CYP3A5: variants seen among roughly 807,000 people sequenced by gnomAD.
CYP3A5 encodes the protein cytochrome P450 family 3 subfamily A member 5.
Under a neutral mutation model 55.9 loss-of-function variants are expected in CYP3A5, and 51 were observed. That is an observed-to-expected ratio of 0.91 (90% CI 0.73 to 1.15). The LOEUF (loss-of-function observed/expected upper bound fraction) is 1.15, where lower values mean the gene tolerates loss of function less well. Among genes scored for constraint, CYP3A5 ranks in the 50% most tolerant of loss-of-function variants. The pLI is 0.00. For missense variants in CYP3A5, 533 were observed against 596.6 expected (o/e 0.89, Z 1.11); for synonymous variants, 196 against 213.9 (o/e 0.92, Z 0.73).
At chr7:99,650,316 C>G in intron 11 of CYP3A5, 84 bp from the exon 12 acceptor site, 1 of 1,253,774 alleles carries the variant, frequency 8.0e-7, no homozygotes, top group Non-Finnish European at 1.1e-6. Context: ...TTAAGAACAA[C>G]CCCCCTCCAC....
chr7:99,671,995 G>C, intron 4 of CYP3A5: 1 of 614,078 alleles, frequency 1.6e-6, no homozygotes, highest in Non-Finnish European at 2.9e-6. Flanking sequence ...TCAATTTCCT[G>C]TACTATAGTA....
intron 4 of CYP3A5, among the ~76,000 whole-genome samples, chr7:99,667,391 C>T (rs1196275548): frequency 6.6e-6 from 1 of 152,180 alleles, no homozygotes; most frequent in East Asian, 1.9e-4. Flanking sequence ...CTAGCCCTTC[C>T]CCAGGAGTGT....
Position 99,679,905 on chromosome 7 carries a change from T to G in CYP3A5, c.-9A>C, listed in dbSNP as rs551982746. The G allele has an allele frequency of 7.3e-5, 117 of 1,607,064 alleles. 1 individual carries two copies. The South Asian group carries it at 8.6e-4, about 12-fold the overall frequency. On this transcript the variant is annotated 5_prime_UTR_variant, in exon 1 of 13. Transcript: ENST00000222982. ...TTTGGGATGAGGTCCATCGCCACTTTCCTTCTTCAACTGTGTTCTGTGAGT... is the reference window on the plus strand; with the variant it reads ...TTTGGGATGAGGTCCATCGCCACTTGCCTTCTTCAACTGTGTTCTGTGAGT...
In CYP3A5 at chr7:99,663,066, A is replaced by T. The variant is rs1286552131; in HGVS notation, c.799-184T>A. On this transcript the variant is annotated intron_variant, in intron 8 of 12. Transcript: ENST00000222982. ...TTCATCTAAATCCTTGGAAAGCAGG[A>T]TGTTTTCCTGAAACAAATCTAGCTA... 66 of 1,334,276 alleles carry T rather than the reference A, an allele frequency of 4.9e-5. No individual in the cohort carries two copies. The Admixed American group carries it at 2.0e-3, about 40-fold the overall frequency. The allele number at this position is 1,334,276 out of a possible 1,614,324, so 82.7% of individuals were successfully genotyped here.
At chr7:99,658,015 G>A (rs188205430) in intron 10 of CYP3A5, among the ~76,000 whole-genome samples, 23 of 152,256 alleles carry the variant, frequency 1.5e-4, no homozygotes, top group South Asian at 6.2e-4. Context: ...ACAGCACACC[G>A]ATGGGTCTTG....
rs1810551751 is a variant in CYP3A5 at position 99,662,476 on chromosome 7, T to A, written c.865+340A>T. ...CTTACTGGGATAGTGTGCTTCCTGA[T>A]CGGTATGTTTGATATAAATTTCCAA... On this transcript the variant is annotated intron_variant, in intron 9 of 12. Coordinates refer to ENST00000222982, the MANE Select transcript of CYP3A5 (RefSeq NM_000777.5). The surrounding 1 kb of genome is among the most constrained non-coding windows in gnomAD (Gnocchi z 4.3). 6.6e-6 allele frequency among the ~76,000 whole-genome samples: 1 copy of A among 152,214 alleles called. No individual in the cohort carries two copies. The highest frequency in any genetic ancestry group is 1.5e-5 in the Non-Finnish European group (1 of 68,032).
rs1019450510 is a variant in CYP3A5 at position 99,656,262 on chromosome 7, C to T, written c.1027-3483G>A. Among the ~76,000 whole-genome samples the T allele has an allele frequency of 2.6e-5, 4 of 152,140 alleles. No homozygotes were observed. The East Asian group carries it at 7.7e-4, about 29-fold the overall frequency. On this transcript the variant is annotated intron_variant, in intron 10 of 12. Coordinates refer to ENST00000222982, the MANE Select transcript of CYP3A5 (RefSeq NM_000777.5). ...TATTTTGAGATAGGTTCCATCAATA[C>T]CTAATTTATTCAGAGTTTTTAGCAT...
chr7:99,676,707 G>A (rs948291871), intron 1 of CYP3A5: 15 of 523,568 alleles, frequency 2.9e-5, no homozygotes, highest in Admixed American at 1.4e-4. Context: ...GCTCAGAAAT[G>A]TTTATGCTTT....
At chr7:99,671,388 G>A (rs1222508614) in intron 4 of CYP3A5, 1 of 156,882 alleles carries the variant, frequency 6.4e-6, no homozygotes, top group African/African-American at 2.4e-5. Context: ...ATGATGTTAA[G>A]AGTTACTGTA....
intron 6 of CYP3A5, 94 bp from the exon 7 acceptor site, chr7:99,665,408 A>T (rs1810903818): frequency 1.3e-6 from 2 of 1,503,772 alleles, no homozygotes; most frequent in South Asian, 2.3e-5. Context: ...CAGTCAAGAC[A>T]CATAAAGAGC....
In CYP3A5 at chr7:99,650,227, C is replaced by A. The variant is rs1162793107; in HGVS notation, c.1259G>T (p.Ser420Ile). Residue 420 changes from serine to isoleucine, a missense_variant, in exon 12 of 13, where the codon AGT becomes ATT. Transcript: ENST00000222982. ...AGGATCTATGCTGTCCTTCTTCTTA[C>A]TGAACCTAGTTCCATATTGGTAGAT... is the stretch of plus-strand genomic sequence containing the variant. ...EPEEFRPERF[S>I]KKKDSIDPYI... The A allele has an allele frequency of 1.2e-6, 2 of 1,613,340 alleles. No individual in the cohort carries two copies. Among genetic ancestry groups the A allele is most frequent in the Non-Finnish European group, 1.7e-6 (2 of 1,179,618 alleles).
chr7:99,652,331 A>G (rs1260753828), intron 11 of CYP3A5: 7 of 382,186 alleles, frequency 1.8e-5, no homozygotes. Flanking sequence ...CCACAGGGAC[A>G]TAATTGATTA....
chr7:99,653,016 G>T lies in CYP3A5; in HGVS notation c.1027-237C>A, dbSNP rs1482950092. On this transcript the variant is annotated intron_variant, in intron 10 of 12. Transcript: ENST00000222982. The surrounding 1 kb of genome is among the most constrained non-coding windows in gnomAD (Gnocchi z 4.2). Reference sequence around the variant, plus strand: ...TATTCAAGACCATCCTCACCCCAGGGACTGAAATCCTTAGCATGACCATGT... The same window carrying T: ...TATTCAAGACCATCCTCACCCCAGGTACTGAAATCCTTAGCATGACCATGT... Among the ~76,000 whole-genome samples, 2 of 152,174 alleles carry T rather than the reference G, an allele frequency of 1.3e-5. No individual in the cohort carries two copies. The highest frequency in any genetic ancestry group is 2.9e-5 in the Non-Finnish European group (2 of 68,030).
At position 99,660,530 on chromosome 7, in the gene CYP3A5, T is replaced by G. The variant is rs188366390; in HGVS notation, c.995A>C (p.Gln332Pro). ...GGGCAAAACTGCATCAATCTCCTTT[T>G]GCAGTTTCTGCTGGACATCAGGGTG... The part of the protein sequence containing the change: ...ATHPDVQQKL[Q>P]KEIDAVLPNK... The change falls in exon 10 of 13, where the codon CAA becomes CCA. Residue 332 changes from glutamine (Q) to proline (P), a missense_variant. Coordinates refer to ENST00000222982, the MANE Select transcript of CYP3A5 (RefSeq NM_000777.5). 390 of 1,613,630 alleles carry G rather than the reference T, an allele frequency of 2.4e-4. 4 individuals are homozygous for G. The highest frequency in any genetic ancestry group is 1.6e-5 in the Non-Finnish European group (19 of 1,179,780).
At chr7:99,669,030 A>G (rs1347005941) in intron 4 of CYP3A5, among the ~76,000 whole-genome samples, 1 of 152,164 alleles carries the variant, frequency 6.6e-6, no homozygotes, top group East Asian at 1.9e-4. Context: ...CTATTTTCCT[A>G]TCTGTTAATT....
intron 8 of CYP3A5, chr7:99,663,606 T>G (rs1810661844): frequency 1.0e-6 from 1 of 999,558 alleles, no homozygotes; most frequent in African/African-American, 1.7e-5. Context: ...CTTAAAATGA[T>G]TCTTTACCAA....
At chr7:99,676,985 A>G (rs1223075135) in intron 1 of CYP3A5, among the ~76,000 whole-genome samples, 2 of 152,066 alleles carry the variant, frequency 1.3e-5, no homozygotes, top group Non-Finnish European at 2.9e-5. Flanking sequence ...AGCAACTAAT[A>G]CTTCTCAGGT....
Position 99,662,900 on chromosome 7 carries a change from G to C in CYP3A5, c.799-18C>G, listed in dbSNP as rs1319556531. 2.5e-6 allele frequency: 4 copies of C among 1,613,358 alleles called. No individual in the cohort carries two copies. Among genetic ancestry groups the C allele is most frequent in the East Asian group, 2.2e-5 (1 of 44,846 alleles). On this transcript the variant is annotated intron_variant, in intron 8 of 12. Coordinates refer to ENST00000222982, the MANE Select transcript of CYP3A5 (RefSeq NM_000777.5). The surrounding 1 kb of genome is among the most constrained non-coding windows in gnomAD (Gnocchi z 4.3). ...AGTCGGTGCTAGAAGCAAAAGGAGAGATTTCTTTGGCAGAAAGTGACTCGT... is the reference window on the plus strand; with the variant it reads ...AGTCGGTGCTAGAAGCAAAAGGAGACATTTCTTTGGCAGAAAGTGACTCGT...
In CYP3A5 at chr7:99,662,994, A is replaced by G. The variant is rs1482537376; in HGVS notation, c.799-112T>C. 7 of 1,512,236 alleles carry G rather than the reference A, an allele frequency of 4.6e-6. No homozygotes were observed. Among genetic ancestry groups the G allele is most frequent in the African/African-American group, 1.4e-5 (1 of 71,960 alleles). 93.7% of individuals were successfully genotyped at this position (1,512,236 alleles called of 1,614,324 possible). On this transcript the variant is annotated intron_variant, in intron 8 of 12. Coordinates refer to ENST00000222982, the MANE Select transcript of CYP3A5 (RefSeq NM_000777.5). This position sits in a 1 kb window ranked among gnomAD's most constrained non-coding sequence, Gnocchi z 4.3. ...TTGACTTCCCTCCCTCAACCTCCCT[A>G]TGGCTTCTTGAAGACGTGTTACCTG...
Sources: allele counts gnomAD v4.1 joint callset (sites outside exome capture counted in the v4.1 genomes callset), GRCh38; gene constraint gnomAD v4.1.1; non-coding constraint Gnocchi (gnomAD v3.1); transcripts MANE v1.5; gene names NCBI Gene and HGNC (gene_info 2026-07-23, HGNC 2026-07-21).